NMBR: variants seen among roughly 807,000 people sequenced by gnomAD.
The protein encoded by NMBR is neuromedin-B receptor.
A neutral mutation model predicts 20.5 loss-of-function variants in NMBR; 16 were observed. The ratio of observed to expected loss-of-function variants is 0.78; its 90% CI spans 0.53 to 1.19. The LOEUF (loss-of-function observed/expected upper bound fraction) is 1.19, where lower values mean the gene tolerates loss of function less well. NMBR is among the 50% of genes most tolerant of loss of function. The pLI is 0.00. For missense variants in NMBR, 582 were observed against 499.1 expected (o/e 1.17, Z -1.58); for synonymous variants, 212 against 196.6 (o/e 1.08, Z -0.65).
chr6:142,101,423 A>T (rs2114580875), intron 1 of NMBR, among the ~76,000 whole-genome samples: 1 of 152,314 alleles, frequency 6.6e-6, no homozygotes, highest in African/African-American at 2.4e-5. Context: ...GCACCATGAT[A>T]AATGTACTTA....
At chr6:142,137,844 C>T (rs1778288800) in intron 1 of NMBR, among the ~76,000 whole-genome samples, 1 of 152,120 alleles carries the variant, frequency 6.6e-6, no homozygotes, top group South Asian at 2.1e-4. Flanking sequence ...AGGGATGAAG[C>T]CCACTTGATC....
rs771078191 is a variant in NMBR, at chr6:142,075,940, T to C, written c.881A>G (p.Asn294Ser). ...GTGGCCTAGAGATGGATCAATCTCA[T>C]TATAGTTGAAAGACCGATACATGTA... ...ILYMYRSFNY[N>S]EIDPSLGHMI... The change falls in exon 4 of 4, where the codon AAT (asparagine) becomes AGT (serine). Residue 294 changes from asparagine to serine, a missense_variant. Transcript: ENST00000258042. The C allele has an allele frequency of 6.2e-7, 1 of 1,613,976 alleles. No individual in the cohort carries two copies. The highest frequency in any genetic ancestry group is 8.5e-7 in the Non-Finnish European group (1 of 1,179,914).
intron 1 of NMBR, among the ~76,000 whole-genome samples, chr6:142,110,018 A>T (rs1320668634): frequency 1.3e-5 from 2 of 152,212 alleles, no homozygotes; most frequent in African/African-American, 4.8e-5. Flanking sequence ...ATTTTGTTAT[A>T]GCAGTTTGAA....
intron 1 of NMBR, among the ~76,000 whole-genome samples, chr6:142,124,378 A>G (rs906446794): frequency 2.0e-5 from 3 of 151,912 alleles, no homozygotes; most frequent in African/African-American, 7.2e-5. Context: ...TTGTTTTTAG[A>G]GAAACCCATG....
intron 1 of NMBR, among the ~76,000 whole-genome samples, chr6:142,127,270 T>C (rs964462112): frequency 1.3e-5 from 2 of 152,020 alleles, no homozygotes; most frequent in Non-Finnish European, 2.9e-5. Flanking sequence ...CTGGATTTTC[T>C]TTACATTCTT....
chr6:142,093,056 T>C (rs1465723806), intron 1 of NMBR, among the ~76,000 whole-genome samples: 2 of 152,118 alleles, frequency 1.3e-5, no homozygotes, highest in Admixed American at 1.3e-4. Context: ...AAGGCTTCTC[T>C]GGTCTTGCCC....
At position 142,089,009 on chromosome 6, in the gene NMBR, T is replaced by C. The variant is rs9484598; in HGVS notation, c.-351A>G. 401 of 191,268 alleles carry C rather than the reference T, an allele frequency of 2.1e-3. 2 individuals carry two copies. Among genetic ancestry groups the C allele is most frequent in the African/African-American group, 7.8e-3 (335 of 43,160 alleles). 11.8% of individuals were successfully genotyped at this position (191,268 alleles called of 1,614,324 possible). On this transcript the variant is annotated 5_prime_UTR_variant, in exon 2 of 4. Coordinates refer to ENST00000258042, the MANE Select transcript of NMBR (RefSeq NM_002511.4). ...CCTTTCAGGAACAAGGAGCTGTCCC[T>C]TGGGGATCAGTAGAAGCACCTGCCG... is the stretch of plus-strand genomic sequence containing the variant.
intron 1 of NMBR, among the ~76,000 whole-genome samples, chr6:142,118,631 T>C (rs541456932): frequency 6.6e-6 from 1 of 152,044 alleles, no homozygotes; most frequent in Non-Finnish European, 1.5e-5. Context: ...TAGGAACACA[T>C]GTATTATAAA....
intron 2 of NMBR, among the ~76,000 whole-genome samples, chr6:142,087,399 C>A (rs1011643107): frequency 6.6e-6 from 1 of 152,236 alleles, no homozygotes; most frequent in East Asian, 1.9e-4. Flanking sequence ...TTTTTCCCCA[C>A]CCCTATCCAA....
intron 1 of NMBR, among the ~76,000 whole-genome samples, chr6:142,137,474 G>A (rs1332485761): frequency 6.6e-6 from 1 of 152,082 alleles, no homozygotes; most frequent in African/African-American, 2.4e-5. Flanking sequence ...TTTCCTAATT[G>A]AATACCCTTT....
At chr6:142,105,873 CT>C (rs1177151104) in intron 1 of NMBR, among the ~76,000 whole-genome samples, 1 of 151,906 alleles carries the variant, frequency 6.6e-6, no homozygotes, top group Non-Finnish European at 1.5e-5. Flanking sequence ...TTATTAACAC[CT>C]TTTCTATAGC....
chr6:142,092,239 A>G (rs1319351124), intron 1 of NMBR, among the ~76,000 whole-genome samples: 1 of 152,086 alleles, frequency 6.6e-6, no homozygotes, highest in East Asian at 1.9e-4. Context: ...AAAAACATTA[A>G]TGGAAGAGAA....
At chr6:142,138,895 C>G (rs1333939834) in intron 1 of NMBR, among the ~76,000 whole-genome samples, 1 of 152,140 alleles carries the variant, frequency 6.6e-6, no homozygotes, top group Admixed American at 6.5e-5. Context: ...ACAGATGATC[C>G]TTTCTGCTTC....
intron 1 of NMBR, chr6:142,135,055 C>T (rs1249915926): frequency 4.0e-5 from 17 of 421,240 alleles, no homozygotes; most frequent in Non-Finnish European, 4.6e-5. Flanking sequence ...AAATATAGTG[C>T]CTGGTTGTAA....
At chr6:142,086,214 A>T (rs1777196498) in intron 2 of NMBR, among the ~76,000 whole-genome samples, 1 of 152,166 alleles carries the variant, frequency 6.6e-6, no homozygotes, top group Non-Finnish European at 1.5e-5. Flanking sequence ...GATCATAAAA[A>T]TGTTGCTGAA....
At position 142,105,533 on chromosome 6, in the gene NMBR, T is replaced by A. The variant is rs547269863; in HGVS notation, c.-663-16212A>T. Among the ~76,000 whole-genome samples, 27 of 152,322 alleles carry A rather than the reference T, an allele frequency of 1.8e-4. No individual in the cohort carries two copies. In the East Asian group the frequency reaches 5.0e-3, roughly 28 times the overall value. ...CTCCAACTTTATATATTCATCTAGA[T>A]TTATCTATTTTTTACTCCTTCAATT... is the stretch of plus-strand genomic sequence containing the variant. On this transcript the variant is annotated intron_variant, in intron 1 of 3. Transcript: ENST00000258042.
chr6:142,100,152 A>G (rs1427295155), intron 1 of NMBR, among the ~76,000 whole-genome samples: 3 of 152,222 alleles, frequency 2.0e-5, no homozygotes, highest in Non-Finnish European at 4.4e-5. Context: ...ACAGTTTGGC[A>G]GTTTCATACA....
At chr6:142,103,557 G>C (rs1777603642) in intron 1 of NMBR, among the ~76,000 whole-genome samples, 1 of 152,124 alleles carries the variant, frequency 6.6e-6, no homozygotes, top group Non-Finnish European at 1.5e-5. Flanking sequence ...AGAGCTTCTA[G>C]TAACAAACAC....
Position 142,105,036 on chromosome 6 carries a change from G to A in NMBR, c.-663-15715C>T, listed in dbSNP as rs141827564. ...GAATATTACAAAGCACCTTCTTAAG[G>A]GTGGGGGAGGATATTACAAAGTACC... On this transcript the variant is annotated intron_variant, in intron 1 of 3. Coordinates refer to ENST00000258042, the MANE Select transcript of NMBR (RefSeq NM_002511.4). Among the ~76,000 whole-genome samples, 652 of 152,120 alleles carry A rather than the reference G, an allele frequency of 4.3e-3. 5 individuals carry two copies. Among genetic ancestry groups the A allele is most frequent in the African/African-American group, 0.015 (618 of 41,486 alleles).
Sources: gnomAD v4.1 joint callset for allele counts (sites outside exome capture counted in the v4.1 genomes callset) on GRCh38, gnomAD v4.1.1 for gene constraint, MANE v1.5 for transcripts, NCBI Gene and HGNC (gene_info 2026-07-23, HGNC 2026-07-21) for gene names.